TCERG1: variants seen among roughly 807,000 people sequenced by gnomAD.
TCERG1 encodes the protein transcription elongation regulator 1.
TCERG1 carries 37 observed loss-of-function variants against 144.7 expected under a neutral mutation model. The ratio of observed to expected loss-of-function variants is 0.26; its 90% CI spans 0.20 to 0.34. The LOEUF is 0.34. TCERG1 is among the 10% of genes least tolerant of loss of function. The pLI, the probability that TCERG1 is intolerant of heterozygous loss-of-function variation, is 1.00. For synonymous variants in TCERG1, 492 were observed against 458.2 expected (o/e 1.07, Z -0.94); for missense variants, 1,027 against 1,380.7 (o/e 0.74, Z 4.06).
intron 4 of TCERG1, among the ~76,000 whole-genome samples, chr5:146,459,841 T>A (rs1763183129): frequency 6.6e-6 from 1 of 152,130 alleles, no homozygotes; most frequent in Admixed American, 6.5e-5. Context: ...AGGAAAGGAT[T>A]TTCAGGTAGG....
intron 5 of TCERG1, among the ~76,000 whole-genome samples, chr5:146,466,060 A>ATGCTAATATTT (rs1195438472): frequency 6.6e-6 from 1 of 150,666 alleles, no homozygotes; most frequent in Non-Finnish European, 1.5e-5. Context: ...ATCAAATATT[A>ATGCTAATATTT]GTTTGTTTAT....
chr5:146,497,052 A>G (rs1401340132), intron 16 of TCERG1, among the ~76,000 whole-genome samples: 1 of 151,356 alleles, frequency 6.6e-6, no homozygotes, highest in Non-Finnish European at 1.5e-5. Flanking sequence ...TGTATTTTTA[A>G]TAGAGACAGG....
At chr5:146,477,692 C>CTTTTTTT (rs1168989847) in intron 9 of TCERG1, among the ~76,000 whole-genome samples, 35 of 79,366 alleles carry the variant, frequency 4.4e-4, no homozygotes, top group African/African-American at 7.6e-4. Flanking sequence ...TGGTACTTTA[C>CTTTTTTT]TTTTTTTTTT....
chr5:146,508,730 C>T (rs1375610265), intron 21 of TCERG1, among the ~76,000 whole-genome samples: 1 of 152,178 alleles, frequency 6.6e-6, no homozygotes, highest in Admixed American at 6.5e-5. Flanking sequence ...CCTACAGTTG[C>T]TGTATCCACA....
intron 21 of TCERG1, among the ~76,000 whole-genome samples, chr5:146,508,438 C>T (rs1768187695): frequency 2.0e-5 from 3 of 152,130 alleles, no homozygotes; most frequent in Admixed American, 2.0e-4. Flanking sequence ...TTACATCATT[C>T]CCCTTTCCTG....
chr5:146,493,060 A>G, intron 16 of TCERG1, 22 bp downstream of exon 16: 2 of 1,449,878 alleles, frequency 1.4e-6, no homozygotes, highest in East Asian at 2.3e-5. Context: ...GTTTCTCTTA[A>G]ATATCAAAGT....
rs756633199 is a variant in TCERG1 at position 146,457,224 on chromosome 5, T to C, written c.327T>C (p.Pro109=). The C allele has an allele frequency of 8.7e-6, 14 of 1,614,026 alleles. No individual in the cohort carries two copies. The highest frequency in any genetic ancestry group is 1.0e-5 in the Non-Finnish European group (12 of 1,179,966). ...FMPPPMSSMP[P]PPGMMFPPGM... ...CTCCTCCCATGAGTTCCATGCCTCCTCCTCCGGGTATGATGTTTCCACCAG... is the reference window on the plus strand; with the variant it reads ...CTCCTCCCATGAGTTCCATGCCTCCCCCTCCGGGTATGATGTTTCCACCAG... Residue 109 remains proline (P), a synonymous_variant, in exon 3 of 23, where the codon CCT becomes CCC. Transcript: ENST00000679501.
At chr5:146,509,492 CTT>C (rs35545475) in intron 22 of TCERG1, among the ~76,000 whole-genome samples, 63 of 141,426 alleles carry the variant, frequency 4.5e-4, no homozygotes, top group Admixed American at 4.3e-4. Context: ...GAATACATAC[CTT>C]TTTTTTTTTT....
At chr5:146,500,643 G>A (rs1400282268) in intron 17 of TCERG1, among the ~76,000 whole-genome samples, 4 of 152,068 alleles carry the variant, frequency 2.6e-5, no homozygotes, top group East Asian at 1.9e-4. Flanking sequence ...GCATTTTGAC[G>A]GTAAAGTCAT....
chr5:146,457,729 T>G (rs1238681391), intron 3 of TCERG1, among the ~76,000 whole-genome samples: 1 of 152,266 alleles, frequency 6.6e-6, no homozygotes, highest in Non-Finnish European at 1.5e-5. Context: ...TCAGCAGGGC[T>G]TTCTACAGAT....
chr5:146,449,159 T>C (rs899235911), intron 1 of TCERG1, among the ~76,000 whole-genome samples: 4 of 152,242 alleles, frequency 2.6e-5, no homozygotes, highest in Admixed American at 6.5e-5. Context: ...TTTTGCATTA[T>C]ATTTGTAACC....
chr5:146,460,696 A>G (rs1320286351), intron 4 of TCERG1, among the ~76,000 whole-genome samples: 1 of 152,212 alleles, frequency 6.6e-6, no homozygotes, highest in East Asian at 1.9e-4. Context: ...TACATATAAT[A>G]TGGGGATAGC....
At chr5:146,484,864 A>G (rs116739009) in intron 15 of TCERG1, among the ~76,000 whole-genome samples, 276 of 152,254 alleles carry the variant, frequency 1.8e-3, no homozygotes, top group Non-Finnish European at 2.8e-3. Flanking sequence ...GCCACCATAA[A>G]CAACCCTTAT....
At position 146,455,052 on chromosome 5, in the gene TCERG1, G is replaced by T; in HGVS notation, c.60-4G>T. ...AAAAATTTATTCCTTGCTTTCCCAT[G>T]CAGGATGGCCCAACAGCAGGCCTTG... On this transcript the variant is annotated splice_region_variant and splice_polypyrimidine_tract_variant and intron_variant, in intron 1 of 22. Coordinates refer to ENST00000679501, the MANE Select transcript of TCERG1 (RefSeq NM_001382548.1). 6.2e-7 allele frequency: 1 copy of T among 1,614,042 alleles called. No individual in the cohort carries two copies. The highest frequency in any genetic ancestry group is 1.1e-5 in the South Asian group (1 of 91,076).
intron 9 of TCERG1, among the ~76,000 whole-genome samples, chr5:146,475,729 A>G (rs560481386): frequency 3.3e-5 from 5 of 152,266 alleles, no homozygotes; most frequent in African/African-American, 1.2e-4. Flanking sequence ...TAACTGTGTT[A>G]AGGGTTGAAA....
At chr5:146,454,620 T>G (rs1165615714) in intron 1 of TCERG1, among the ~76,000 whole-genome samples, 1 of 152,112 alleles carries the variant, frequency 6.6e-6, no homozygotes, top group African/African-American at 2.4e-5. Context: ...TTTTTTGAGA[T>G]GGAGCCTTGC....
At position 146,507,561 on chromosome 5, in the gene TCERG1, G is replaced by T; in HGVS notation, c.2962-312G>T. ...TTGTACGCTTTGTTATCCAGGTTTT[G>T]TTCCTTTTTATTTGCTCTCTTTTTG... On this transcript the variant is annotated intron_variant, in intron 20 of 22. Coordinates refer to ENST00000679501, the MANE Select transcript of TCERG1 (RefSeq NM_001382548.1). The surrounding 1 kb of genome is among the most constrained non-coding windows in gnomAD (Gnocchi z 4.6). The T allele has an allele frequency of 6.1e-6, 2 of 325,720 alleles. No homozygotes were observed. The highest frequency in any genetic ancestry group is 1.1e-5 in the Non-Finnish European group (2 of 181,344). The allele number at this position is 325,720 out of a possible 1,614,324, so 20.2% of individuals were successfully genotyped here.
chr5:146,452,408 G>A (rs373487174), intron 1 of TCERG1, among the ~76,000 whole-genome samples: 12 of 152,016 alleles, frequency 7.9e-5, no homozygotes, highest in African/African-American at 9.7e-5. Context: ...TCCTGCATAC[G>A]CTACTTGTAA....
intron 3 of TCERG1, 144 bp from the exon 4 acceptor site, chr5:146,458,740 A>G (rs1185161917): frequency 2.5e-6 from 3 of 1,209,608 alleles, no homozygotes; most frequent in African/African-American, 1.5e-5. Context: ...CTGCCTCCCA[A>G]AGTGCTGGGA....
Sources: allele counts gnomAD v4.1 joint callset (sites outside exome capture counted in the v4.1 genomes callset), GRCh38; gene constraint gnomAD v4.1.1; non-coding constraint Gnocchi (gnomAD v3.1); transcripts MANE v1.5; gene names NCBI Gene and HGNC (gene_info 2026-07-23, HGNC 2026-07-21).